The following SEPTIN10 variants were observed in gnomAD, a reference collection of about 807,000 sequenced individuals.
The protein encoded by SEPTIN10 is septin-10.
Under a neutral mutation model 54.8 loss-of-function variants are expected in SEPTIN10, and 66 were observed. The observed-to-expected ratio is 1.21, with a 90% CI of 0.99 to 1.48. The LOEUF is 1.48. Ranked by LOEUF, SEPTIN10 falls within the 40% of genes most tolerant of loss-of-function variation. SEPTIN10 has a pLI of 0.00. For synonymous variants in SEPTIN10, 161 were observed against 181.0 expected (o/e 0.89, Z 0.89); for missense variants, 620 against 545.6 (o/e 1.14, Z -1.36).
chr2:109,606,359 G>A (rs1697944517), intron 1 of SEPTIN10, among the ~76,000 whole-genome samples: 4 of 152,114 alleles, frequency 2.6e-5, no homozygotes, highest in African/African-American at 9.7e-5. Context: ...AGGTTGCAGT[G>A]AGCCAACACT....
intron 2 of SEPTIN10, among the ~76,000 whole-genome samples, chr2:109,589,720 CATATT>C (rs1384907199): frequency 2.7e-5 from 4 of 150,364 alleles, no homozygotes; most frequent in Admixed American, 1.3e-4. Context: ...AAGTTAAACA[CATATT>C]ATTATATAGC....
At position 109,542,864 on chromosome 2, in the gene SEPTIN10, C is replaced by G. The variant is rs1172190625; in HGVS notation, c.*1445G>C. Reference sequence around the variant, plus strand: ...ATGATTGCTCAGAATCTGACACAGACTAATAAGTTTCATTGTCTGAAAATA... The same window carrying G: ...ATGATTGCTCAGAATCTGACACAGAGTAATAAGTTTCATTGTCTGAAAATA... On this transcript the variant is annotated 3_prime_UTR_variant, in exon 11 of 11. Coordinates refer to ENST00000397712, the MANE Select transcript of SEPTIN10 (RefSeq NM_144710.5). 1.3e-5 allele frequency: 2 copies of G among 152,390 alleles called. No homozygotes were observed. The highest frequency in any genetic ancestry group is 3.8e-4 in the East Asian group (2 of 5,202). The allele number at this position is 152,390 out of a possible 1,614,324, so 9.4% of individuals were successfully genotyped here.
rs116738640 is a variant in SEPTIN10, at chr2:109,570,198, T to C, written c.601-2222A>G. Among the ~76,000 whole-genome samples the C allele has an allele frequency of 5.7e-3, 875 of 152,328 alleles. 12 individuals carry two copies. Among genetic ancestry groups the C allele is most frequent in the Non-Finnish European group, 6.7e-3 (459 of 68,030 alleles). On this transcript the variant is annotated intron_variant, in intron 5 of 10. Coordinates refer to ENST00000397712, the MANE Select transcript of SEPTIN10 (RefSeq NM_144710.5). The stretch of plus-strand genomic sequence containing the variant: ...GATAAGGCAGTCCCAATTTTAGAAT[T>C]TGTCTCTCATCAACTGAATAAGGCA...
At chr2:109,568,419 T>G (rs1197930431) in intron 5 of SEPTIN10, among the ~76,000 whole-genome samples, 4 of 148,954 alleles carry the variant, frequency 2.7e-5, no homozygotes, top group Non-Finnish European at 5.9e-5. Flanking sequence ...TAACCCAGGC[T>G]GGAGTGCAAT....
intron 8 of SEPTIN10, among the ~76,000 whole-genome samples, chr2:109,558,661 CCAT>C (rs771977421): frequency 3.9e-5 from 6 of 152,132 alleles, no homozygotes; most frequent in South Asian, 2.1e-4. Context: ...AGGATACCCA[CCAT>C]GACTCAGCAT....
At chr2:109,610,316 T>C (rs1698974607) in intron 1 of SEPTIN10, among the ~76,000 whole-genome samples, 1 of 152,102 alleles carries the variant, frequency 6.6e-6, no homozygotes, top group Non-Finnish European at 1.5e-5. Context: ...TCTCAATCTC[T>C]TGACCTCATG....
In SEPTIN10 at chr2:109,583,611, C is replaced by A. The variant is rs564728965; in HGVS notation, c.413+1515G>T. Among the ~76,000 whole-genome samples the A allele has an allele frequency of 6.6e-5, 10 of 152,280 alleles. No homozygotes were observed. In the South Asian group the frequency reaches 2.1e-3, roughly 32 times the overall value. ...CTCAAAGAACTTAAACCAGAACTAC[C>A]ATTCGACCCAGCTATTCCAACTTGG... On this transcript the variant is annotated intron_variant, in intron 4 of 10. Transcript: ENST00000397712.
In SEPTIN10 at chr2:109,571,063, G is replaced by A. The variant is rs531892797; in HGVS notation, c.601-3087C>T. ...TGGTAGTGAGTTCTCACGAGATCTGGTTGTTTAAAAGTGTGTAGCACCTCC... is the reference window on the plus strand; with the variant it reads ...TGGTAGTGAGTTCTCACGAGATCTGATTGTTTAAAAGTGTGTAGCACCTCC... On this transcript the variant is annotated intron_variant, in intron 5 of 10. Coordinates refer to ENST00000397712, the MANE Select transcript of SEPTIN10 (RefSeq NM_144710.5). 5.3e-5 allele frequency among the ~76,000 whole-genome samples: 8 copies of A among 152,088 alleles called. No individual in the cohort carries two copies. In the East Asian group the frequency reaches 1.4e-3, roughly 26 times the overall value.
intron 1 of SEPTIN10, among the ~76,000 whole-genome samples, chr2:109,595,361 C>T (rs1171636501): frequency 6.6e-6 from 1 of 152,126 alleles, no homozygotes. Flanking sequence ...CAGAGACTAG[C>T]CTGATTTTAA....
At chr2:109,598,645 C>A (rs1458484243) in intron 1 of SEPTIN10, among the ~76,000 whole-genome samples, 1 of 151,900 alleles carries the variant, frequency 6.6e-6, no homozygotes, top group East Asian at 2.0e-4. Flanking sequence ...GAGGTCAACA[C>A]CAGCCTGGCC....
chr2:109,546,472 C>CT (rs1681277864), intron 9 of SEPTIN10, among the ~76,000 whole-genome samples: 1 of 151,820 alleles, frequency 6.6e-6, no homozygotes, highest in African/African-American at 2.4e-5. Context: ...ATGTACAAAA[C>CT]TATTTTTAAA....
At chr2:109,609,624 A>C (rs1698793534) in intron 1 of SEPTIN10, among the ~76,000 whole-genome samples, 1 of 151,918 alleles carries the variant, frequency 6.6e-6, no homozygotes, top group Admixed American at 6.6e-5. Context: ...TCAAAAAAAA[A>C]AAAAAAAAAA....
At position 109,546,142 on chromosome 2, in the gene SEPTIN10, A is replaced by C. The variant is rs1480636777; in HGVS notation, c.1257T>G (p.Ala419=). 1 of 1,611,554 alleles carries C rather than the reference A, an allele frequency of 6.2e-7. No individual in the cohort carries two copies. The highest frequency in any genetic ancestry group is 1.7e-5 in the Admixed American group (1 of 59,644). The change falls in exon 10 of 11, where the codon GCT becomes GCG. Residue 419 remains alanine, a synonymous_variant. Transcript: ENST00000397712. The stretch of plus-strand genomic sequence containing the variant: ...CGGAGGTAGCTTTCTTTTTAGAGAA[A>C]GCAATTATTTCTTCTTCCAAAAGTC... ...KRRLLEEEII[A]FSKKKATSEI...
At chr2:109,570,586 G>A (rs923358979) in intron 5 of SEPTIN10, among the ~76,000 whole-genome samples, 10 of 151,300 alleles carry the variant, frequency 6.6e-5, no homozygotes, top group East Asian at 1.9e-4. Flanking sequence ...GTGCAGTGGC[G>A]TGATGTTGGC....
intron 4 of SEPTIN10, among the ~76,000 whole-genome samples, chr2:109,575,636 C>A (rs1352984308): frequency 1.3e-5 from 2 of 152,186 alleles, no homozygotes; most frequent in Admixed American, 6.5e-5. Flanking sequence ...TAAACCACTG[C>A]CTTTGCAATT....
intron 8 of SEPTIN10, among the ~76,000 whole-genome samples, chr2:109,557,018 T>C (rs1684528735): frequency 6.6e-6 from 1 of 151,884 alleles, no homozygotes; most frequent in South Asian, 2.1e-4. Flanking sequence ...CCGGAGCCTG[T>C]TGTGGGGTGG....
At chr2:109,553,911 C>T (rs536039321) in intron 8 of SEPTIN10, among the ~76,000 whole-genome samples, 4 of 151,688 alleles carry the variant, frequency 2.6e-5, no homozygotes, top group South Asian at 4.2e-4. Flanking sequence ...TCACCTAATG[C>T]CATCAATAGG....
Position 109,544,908 on chromosome 2 carries a change from G to A in SEPTIN10, c.1350-584C>T. 1.1e-5 allele frequency: 10 copies of A among 952,266 alleles called. No individual in the cohort carries two copies. The South Asian group carries it at 2.4e-4, about 23-fold the overall frequency. 59.0% of individuals were successfully genotyped at this position (952,266 alleles called of 1,614,324 possible). A position where few individuals can be genotyped will look rare whatever the true frequency, so the allele number is the denominator to read the frequency against. The stretch of plus-strand genomic sequence containing the variant: ...GCTTGCATTGAAAGATCATACATGA[G>A]AATTCCTTCCTCTTTTCCAAAAAAA... On this transcript the variant is annotated intron_variant, in intron 10 of 10. Transcript: ENST00000397712.
intron 1 of SEPTIN10, among the ~76,000 whole-genome samples, chr2:109,599,567 G>A (rs1696159179): frequency 6.6e-6 from 1 of 152,076 alleles, no homozygotes. Context: ...ATCCTCCGGA[G>A]GGTGTCAGTA....
Sources: gnomAD v4.1 joint callset for allele counts (sites outside exome capture counted in the v4.1 genomes callset) on GRCh38, gnomAD v4.1.1 for gene constraint, MANE v1.5 for transcripts, NCBI Gene and HGNC (gene_info 2026-07-23, HGNC 2026-07-21) for gene names.